The following ABR variants were observed in gnomAD, a reference collection of about 807,000 sequenced individuals.
ABR encodes the protein active breakpoint cluster region-related protein.
A neutral mutation model predicts 107.2 loss-of-function variants in ABR; 35 were observed. The ratio of observed to expected loss-of-function variants is 0.33; its 90% CI spans 0.25 to 0.43. The LOEUF is 0.43. ABR is among the 20% of genes least tolerant of loss of function. The probability of loss-of-function intolerance (pLI) is 1.00; values close to 1 mark genes in which losing one functional copy is unlikely to be tolerated. For missense variants in ABR, 815 were observed against 1,115.2 expected, an observed-to-expected ratio of 0.73 and a Z score of 3.83; for synonymous variants, 498 against 462.0, an observed-to-expected ratio of 1.08 and a Z score of -1.00.
At chr17:1,085,932 A>T (rs2036564717) in intron 4 of ABR, among the ~76,000 whole-genome samples, 1 of 152,172 alleles carries the variant, frequency 6.6e-6, no homozygotes, top group African/African-American at 2.4e-5. Flanking sequence ...AGATCACCTA[A>T]GGTTGGCAGT....
chr17:1,073,262 T>C (rs2035402663), intron 7 of ABR, among the ~76,000 whole-genome samples: 8 of 149,414 alleles, frequency 5.4e-5, no homozygotes, highest in Admixed American at 5.3e-4. Flanking sequence ...CTGGCCACAG[T>C]CATACTCTCT....
rs138482192 is a variant in ABR at position 1,050,036 on chromosome 17, C to T, written c.1791+14G>A. Reference sequence around the variant, plus strand: ...GGAGGCTCCCTCAGCCTCGCCCCGGCGCCCTGGCCTCACCTGGATCTGTCC... The same window carrying T: ...GGAGGCTCCCTCAGCCTCGCCCCGGTGCCCTGGCCTCACCTGGATCTGTCC... On this transcript the variant is annotated intron_variant, in intron 16 of 22. Coordinates refer to ENST00000302538, the MANE Select transcript of ABR (RefSeq NM_021962.5). The surrounding 1 kb of genome is among the most constrained non-coding windows in gnomAD (Gnocchi z 4.6). The T allele has an allele frequency of 1.7e-5, 28 of 1,610,322 alleles. No individual in the cohort carries two copies. Among genetic ancestry groups the T allele is most frequent in the African/African-American group, 1.7e-4 (13 of 74,898 alleles).
chr17:1,082,521 G>A (rs2036312288), intron 5 of ABR, among the ~76,000 whole-genome samples: 2 of 151,768 alleles, frequency 1.3e-5, no homozygotes, highest in Admixed American at 1.3e-4. Context: ...CGTGTTCCTG[G>A]CCAGGAAGGC....
At position 1,116,589 on chromosome 17, in the gene ABR, T is replaced by TCC. The variant is rs1435318922; in HGVS notation, c.246+8593_246+8594insGG. 1.5e-4 allele frequency among the ~76,000 whole-genome samples: 23 copies of TCC among 152,170 alleles called. No homozygotes were observed. In the East Asian group the frequency reaches 4.2e-3, roughly 28 times the overall value. On this transcript the variant is annotated intron_variant, in intron 2 of 22. Coordinates refer to ENST00000302538, the MANE Select transcript of ABR (RefSeq NM_021962.5). Reference sequence around the variant, plus strand: ...GAGCAAGATCCCAGCCAGGTGTGAATGTAGGAGGGCCAGAGAGGACGGGAG... The same window carrying TCC: ...GAGCAAGATCCCAGCCAGGTGTGAATCCGTAGGAGGGCCAGAGAGGACGGGAG...
intron 16 of ABR, among the ~76,000 whole-genome samples, chr17:1,034,844 G>A (rs191873703): frequency 2.4e-4 from 37 of 152,220 alleles, no homozygotes; most frequent in Non-Finnish European, 3.2e-4. Context: ...GAGAATGCAC[G>A]CCCCTCCCTG....
chr17:1,064,077 G>C (rs1355251376), intron 10 of ABR, among the ~76,000 whole-genome samples: 1 of 135,040 alleles, frequency 7.4e-6, no homozygotes, highest in South Asian at 2.4e-4. Flanking sequence ...CTGTTGTTAC[G>C]TGAACTGAGG....
intron 1 of ABR, among the ~76,000 whole-genome samples, chr17:1,217,425 T>G (rs1258293100): frequency 6.6e-6 from 1 of 152,120 alleles, no homozygotes; most frequent in Non-Finnish European, 1.5e-5. Flanking sequence ...CTAGTAACAG[T>G]GGGGATAATC....
intron 1 of ABR, among the ~76,000 whole-genome samples, chr17:1,166,972 C>T (rs1281688952): frequency 6.6e-6 from 1 of 152,148 alleles, no homozygotes; most frequent in African/African-American, 2.4e-5. Context: ...CACTGCACTC[C>T]AGCCTGGGTG....
At chr17:1,103,419 A>G (rs2038038076) in intron 2 of ABR, among the ~76,000 whole-genome samples, 1 of 152,156 alleles carries the variant, frequency 6.6e-6, no homozygotes, top group Admixed American at 6.5e-5. Context: ...GCTGGGGGCT[A>G]GCACTCCCTC....
In ABR at chr17:1,161,536, G is replaced by A. The variant is rs545739915; in HGVS notation, c.61+18131C>T. ...GCTAGGATAACAGGTGTGAGCCACC[G>A]TGCCCGGTCAAAGTCACTATTTTTT... is the stretch of plus-strand genomic sequence containing the variant. On this transcript the variant is annotated intron_variant, in intron 1 of 22. Coordinates refer to ENST00000302538, the MANE Select transcript of ABR (RefSeq NM_021962.5). 4.0e-5 allele frequency among the ~76,000 whole-genome samples: 6 copies of A among 150,324 alleles called. No homozygotes were observed. The East Asian group carries it at 7.8e-4, about 20-fold the overall frequency.
intron 1 of ABR, among the ~76,000 whole-genome samples, chr17:1,222,998 T>C (rs2043145686): frequency 6.6e-6 from 1 of 151,860 alleles, no homozygotes; most frequent in Non-Finnish European, 1.5e-5. Context: ...GGTCACGAGT[T>C]CAAGACCAGC....
At chr17:1,183,401 G>A (rs1265650218), upstream of ABR, among the ~76,000 whole-genome samples, 1 of 152,166 alleles carries the variant, frequency 6.6e-6, no homozygotes, top group Admixed American at 6.5e-5. Context: ...ACTTAAAGGG[G>A]ATTTCATGGT....
At chr17:1,118,345 A>T (rs1193473298) in intron 2 of ABR, among the ~76,000 whole-genome samples, 1 of 7,742 alleles carries the variant, frequency 1.3e-4, no homozygotes. Context: ...TCCTCCCAGC[A>T]TTATCCCTGA....
chr17:1,028,562 A>G (rs1376510001), intron 16 of ABR, among the ~76,000 whole-genome samples: 1 of 152,214 alleles, frequency 6.6e-6, no homozygotes, highest in Non-Finnish European at 1.5e-5. Flanking sequence ...GCCCTTCCTC[A>G]GGTAACACCT....
chr17:1,044,017 A>T (rs1369525318), intron 16 of ABR, among the ~76,000 whole-genome samples: 1 of 152,200 alleles, frequency 6.6e-6, no homozygotes, highest in Non-Finnish European at 1.5e-5. Context: ...CCCCAAGGGA[A>T]AGCGCTCTCC....
At chr17:1,144,572 C>T (rs944440425) in intron 1 of ABR, among the ~76,000 whole-genome samples, 15 of 146,936 alleles carry the variant, frequency 1.0e-4, no homozygotes, top group East Asian at 4.0e-4. Flanking sequence ...AACAATAACG[C>T]GTTCAGTCAA....
At position 1,066,585 on chromosome 17, in the gene ABR, T is replaced by C. The variant is rs192714478; in HGVS notation, c.1182+492A>G. Among the ~76,000 whole-genome samples the C allele has an allele frequency of 1.5e-3, 230 of 152,118 alleles. 1 individual carries two copies. The highest frequency in any genetic ancestry group is 4.4e-3 in the African/African-American group (183 of 41,484). ...ACTCTATTGCCTAGACTGGAGTGCATTGGCATGTTCTTGGCTCACTGCAAC... is the reference window on the plus strand; with the variant it reads ...ACTCTATTGCCTAGACTGGAGTGCACTGGCATGTTCTTGGCTCACTGCAAC... On this transcript the variant is annotated intron_variant, in intron 10 of 22. Coordinates refer to ENST00000302538, the MANE Select transcript of ABR (RefSeq NM_021962.5).
chr17:1,009,309 T>G (rs2070333067), intron 21 of ABR, among the ~76,000 whole-genome samples: 1 of 135,662 alleles, frequency 7.4e-6, no homozygotes, highest in Admixed American at 8.1e-5. Flanking sequence ...TAGAAATGGC[T>G]ACATTCGTTG....
chr17:1,204,857 T>TACACA (rs2042756246), intron 1 of ABR, among the ~76,000 whole-genome samples: 1 of 151,804 alleles, frequency 6.6e-6, no homozygotes. Context: ...TGAAATCATC[T>TACACA]ACACATTTCT....
Sources: allele counts gnomAD v4.1 joint callset (sites outside exome capture counted in the v4.1 genomes callset), GRCh38; gene constraint gnomAD v4.1.1; non-coding constraint Gnocchi (gnomAD v3.1); transcripts MANE v1.5; gene names NCBI Gene and HGNC (gene_info 2026-07-23, HGNC 2026-07-21).